ADGRV1: variants seen among roughly 807,000 people sequenced by gnomAD.
The protein encoded by ADGRV1 is G-protein coupled receptor 98.
ADGRV1 carries 359 observed loss-of-function variants against 596.2 expected under a neutral mutation model. That is an observed-to-expected ratio of 0.60 (90% CI 0.55 to 0.66). ADGRV1 has a LOEUF of 0.66. ADGRV1 is among the 30% of genes least tolerant of loss of function. The pLI is 0.00. For missense variants in ADGRV1, 7,274 were observed against 7,575.6 expected, an observed-to-expected ratio of 0.96 and a Z score of 1.48; for synonymous variants, 2,681 against 2,679.2, an observed-to-expected ratio of 1.00 and a Z score of -0.02.
chr5:90,580,977 G>A (rs1757955844), intron 1 of ADGRV1, among the ~76,000 whole-genome samples: 1 of 151,956 alleles, frequency 6.6e-6, no homozygotes, highest in South Asian at 2.1e-4. Flanking sequence ...CTCTAACCTT[G>A]TCTTCCCACT....
intron 60 of ADGRV1, among the ~76,000 whole-genome samples, chr5:90,775,277 T>A (rs568839036): frequency 6.6e-6 from 1 of 152,314 alleles, no homozygotes; most frequent in South Asian, 2.1e-4. Flanking sequence ...AGGGTAGTTA[T>A]AATTTCTGCA....
chr5:91,043,614 A>G (rs985594487), intron 85 of ADGRV1, among the ~76,000 whole-genome samples: 3 of 152,190 alleles, frequency 2.0e-5, no homozygotes, highest in African/African-American at 7.2e-5. Context: ...AATGGGGATT[A>G]TAATTCTAGT....
At chr5:90,947,925 A>T (rs148603894) in intron 83 of ADGRV1, among the ~76,000 whole-genome samples, 1 of 152,132 alleles carries the variant, frequency 6.6e-6, no homozygotes, top group African/African-American at 2.4e-5. Context: ...AAAAGATTCA[A>T]TGTGACACAC....
chr5:90,585,664 A>C (rs1314042585), intron 1 of ADGRV1, among the ~76,000 whole-genome samples: 1 of 152,210 alleles, frequency 6.6e-6, no homozygotes, highest in East Asian at 1.9e-4. Context: ...GCATATTGTC[A>C]GAAGCCATAT....
rs755086950 is a variant in ADGRV1, at chr5:90,642,646, G to A, written c.2251G>A (p.Glu751Lys). The change falls in exon 12 of 90, where the codon GAA becomes AAA. Residue 751 changes from glutamate to lysine, a missense_variant. Physicochemically the swap from Glu to Lys is moderately conservative, Grantham distance 56 (BLOSUM62 1). Transcript: ENST00000405460. The stretch of plus-strand genomic sequence containing the variant: ...CTCTGACTTCTCTAGGGTTAACGTG[G>A]AAAACCAAGTGCTGAAATCTGGATA... ...VTLSLDRVNV[E>K]NQVLKSGYTS... The A allele has an allele frequency of 1.3e-5, 21 of 1,613,226 alleles. No homozygotes were observed. In the South Asian group the frequency reaches 2.2e-4, roughly 17 times the overall value.
At chr5:90,985,009 A>G (rs534018433) in intron 84 of ADGRV1, among the ~76,000 whole-genome samples, 1 of 152,254 alleles carries the variant, frequency 6.6e-6, no homozygotes, top group Non-Finnish European at 1.5e-5. Context: ...GTAGGTTTGC[A>G]TATCAGAGTA....
At chr5:90,668,788 A>T (rs1215430995) in intron 21 of ADGRV1, among the ~76,000 whole-genome samples, 1 of 152,160 alleles carries the variant, frequency 6.6e-6, no homozygotes, top group Non-Finnish European at 1.5e-5. Context: ...ATGAATAGTG[A>T]TTTTTTTAAA....
intron 20 of ADGRV1, 183 bp downstream of exon 20, chr5:90,654,135 A>C: frequency 1.5e-6 from 1 of 676,372 alleles, no homozygotes; most frequent in Non-Finnish European, 2.4e-6. Flanking sequence ...TGAGTGTTAC[A>C]GAAATGAATC....
chr5:91,077,764 A>G (rs1788978483), intron 86 of ADGRV1, among the ~76,000 whole-genome samples: 3 of 152,210 alleles, frequency 2.0e-5, no homozygotes, highest in African/African-American at 2.4e-5. Context: ...TATGTACCTG[A>G]ACTAAATTTC....
chr5:90,614,681 A>C (rs1354293190), intron 1 of ADGRV1, 154 bp from the exon 2 acceptor site: 1 of 699,280 alleles, frequency 1.4e-6, no homozygotes, highest in Non-Finnish European at 2.6e-6. Context: ...CTGTCGTCAC[A>C]TATTTGAGTT....
chr5:91,013,098 T>C (rs1399817142), intron 85 of ADGRV1, among the ~76,000 whole-genome samples: 1 of 152,140 alleles, frequency 6.6e-6, no homozygotes, highest in African/African-American at 2.4e-5. Context: ...ATGGTGTATA[T>C]GTATCACATT....
intron 85 of ADGRV1, among the ~76,000 whole-genome samples, chr5:90,997,347 G>GC (rs1362635535): frequency 6.7e-6 from 1 of 150,322 alleles, no homozygotes; most frequent in Non-Finnish European, 1.5e-5. Context: ...CTGGTTGTTT[G>GC]CAAGTATGTA....
intron 87 of ADGRV1, among the ~76,000 whole-genome samples, chr5:91,138,921 G>C (rs1794871938): frequency 6.6e-6 from 1 of 152,036 alleles, no homozygotes; most frequent in African/African-American, 2.4e-5. Context: ...ACAGGTGTGT[G>C]CCACCACACC....
chr5:90,710,872 C>T, intron 39 of ADGRV1, 109 bp from the exon 40 acceptor site: 2 of 660,018 alleles, frequency 3.0e-6, no homozygotes, highest in African/African-American at 1.8e-5. Flanking sequence ...TTGATAATAC[C>T]TGTACATTAT....
At chr5:90,981,918 C>A (rs1780107256) in intron 84 of ADGRV1, among the ~76,000 whole-genome samples, 2 of 151,806 alleles carry the variant, frequency 1.3e-5, no homozygotes, top group Non-Finnish European at 2.9e-5. Flanking sequence ...CTTGATTTAA[C>A]CCACCATCAT....
chr5:91,153,400 T>C lies in ADGRV1; in HGVS notation c.18802+2T>C. On this transcript the variant is annotated splice_donor_variant, in intron 89 of 89. Transcript: ENST00000405460. LOFTEE classifies it high-confidence loss of function. ...ATTTAATATTTGCATTAAAAACTGG[T>C]ATGTATGAACCCATGAACGACATTA... is the stretch of plus-strand genomic sequence containing the variant. 1.3e-6 allele frequency: 2 copies of C among 1,596,742 alleles called. No homozygotes were observed. Among genetic ancestry groups the C allele is most frequent in the Non-Finnish European group, 1.7e-6 (2 of 1,170,606 alleles).
intron 85 of ADGRV1, among the ~76,000 whole-genome samples, chr5:91,026,534 G>C (rs916735001): frequency 7.9e-5 from 12 of 152,104 alleles, no homozygotes; most frequent in Non-Finnish European, 1.6e-4. Flanking sequence ...CTATTAAGTA[G>C]ACATGACTTT....
intron 87 of ADGRV1, among the ~76,000 whole-genome samples, chr5:91,136,484 G>T (rs1794647520): frequency 6.6e-6 from 1 of 152,196 alleles, no homozygotes; most frequent in Admixed American, 6.5e-5. Context: ...CAGCCTTGTG[G>T]CAGGCCACCT....
At chr5:90,665,993 C>T (rs1485438971) in intron 21 of ADGRV1, among the ~76,000 whole-genome samples, 10 of 150,712 alleles carry the variant, frequency 6.6e-5, no homozygotes, top group African/African-American at 2.4e-4. Flanking sequence ...TTGTTATAAT[C>T]TCTGTTCTTT....
Sources: gnomAD v4.1 joint callset for allele counts (sites outside exome capture counted in the v4.1 genomes callset) on GRCh38, gnomAD v4.1.1 for gene constraint, MANE v1.5 for transcripts, NCBI Gene and HGNC (gene_info 2026-07-23, HGNC 2026-07-21) for gene names.